Variants in MAPKAPK5 observed in about 807,000 individuals in gnomAD.
MAPKAPK5 encodes MAP kinase-activated protein kinase 5.
Under a neutral mutation model 65.1 loss-of-function variants are expected in MAPKAPK5, and 30 were observed. The observed-to-expected ratio is 0.46, with a 90% CI of 0.34 to 0.63. The LOEUF (loss-of-function observed/expected upper bound fraction) is 0.63. Ranked by LOEUF, MAPKAPK5 falls within the 20% of genes least tolerant of loss-of-function variation. The pLI, the probability that MAPKAPK5 is intolerant of heterozygous loss-of-function variation, is 0.01. For missense variants in MAPKAPK5, 433 were observed against 581.4 expected (o/e 0.74, Z 2.63); for synonymous variants, 179 against 204.6 (o/e 0.87, Z 1.07).
In MAPKAPK5 at chr12:111,883,918, T is replaced by G; in HGVS notation, c.848+150T>G. On this transcript the variant is annotated intron_variant, in intron 9 of 13. Coordinates refer to ENST00000550735, the MANE Select transcript of MAPKAPK5 (RefSeq NM_003668.4). The surrounding 1 kb of genome is among the most constrained non-coding windows in gnomAD (Gnocchi z 4.8). ...AAATCTCTCTGGAGCCTGAGGTGAC[T>G]GTTCTCAGTGTCCACACCTTGGTGC... 1.3e-6 allele frequency: 1 copy of G among 771,350 alleles called. No homozygotes were observed. Among genetic ancestry groups the G allele is most frequent in the East Asian group, 2.7e-5 (1 of 37,194 alleles). The allele number at this position is 771,350 out of a possible 1,614,324, so 47.8% of individuals were successfully genotyped here. A position where few individuals can be genotyped will look rare whatever the true frequency, so the allele number is the denominator to read the frequency against.
At chr12:111,869,267 G>A (rs1012360535) in intron 5 of MAPKAPK5, among the ~76,000 whole-genome samples, 10 of 152,164 alleles carry the variant, frequency 6.6e-5, no homozygotes, top group Non-Finnish European at 1.2e-4. Context: ...TACATAAGAT[G>A]CTTCCTGCAT....
chr12:111,848,243 A>G (rs2136065236), intron 1 of MAPKAPK5, among the ~76,000 whole-genome samples: 1 of 152,238 alleles, frequency 6.6e-6, no homozygotes, highest in Admixed American at 6.5e-5. Flanking sequence ...CTTCACAAAT[A>G]TTAGGTATTT....
chr12:111,882,209 T>G (rs910736835), intron 8 of MAPKAPK5, among the ~76,000 whole-genome samples: 4 of 152,066 alleles, frequency 2.6e-5, no homozygotes, highest in African/African-American at 9.7e-5. Flanking sequence ...TGAAACCCCG[T>G]CTCTACTAAA....
At chr12:111,851,279 G>A (rs146490665) in intron 1 of MAPKAPK5, among the ~76,000 whole-genome samples, 2 of 152,124 alleles carry the variant, frequency 1.3e-5, no homozygotes, top group African/African-American at 4.8e-5. Flanking sequence ...CTTTGAAGTG[G>A]TCTACTTGTC....
At chr12:111,875,449 A>G (rs946372912) in intron 7 of MAPKAPK5, among the ~76,000 whole-genome samples, 2 of 152,068 alleles carry the variant, frequency 1.3e-5, no homozygotes, top group African/African-American at 4.8e-5. Context: ...TGGCCTTGCT[A>G]GTGCACCTGT....
chr12:111,876,056 T>G (rs2069952794), intron 7 of MAPKAPK5, among the ~76,000 whole-genome samples: 1 of 149,656 alleles, frequency 6.7e-6, no homozygotes, highest in Non-Finnish European at 1.5e-5. Flanking sequence ...AAAGACAAAA[T>G]ATTAGTCGGG....
chr12:111,870,248 T>C, intron 5 of MAPKAPK5, 23 bp from the exon 6 acceptor site: 1 of 1,555,320 alleles, frequency 6.4e-7, no homozygotes, highest in Middle Eastern at 1.7e-4. Context: ...AAGAAGCGAC[T>C]GTTTCATTGT....
chr12:111,868,507 G>T (rs181264833), intron 4 of MAPKAPK5, among the ~76,000 whole-genome samples: 1 of 152,262 alleles, frequency 6.6e-6, no homozygotes, highest in African/African-American at 2.4e-5. Flanking sequence ...TGCTCTGTTG[G>T]TGAAAGCATT....
intron 1 of MAPKAPK5, among the ~76,000 whole-genome samples, chr12:111,858,475 C>A (rs2069319328): frequency 6.6e-6 from 1 of 150,630 alleles, no homozygotes; most frequent in Non-Finnish European, 1.5e-5. Context: ...TGGATTTGAT[C>A]ATTTCTTTCT....
rs761310760 is a variant in MAPKAPK5, at chr12:111,894,887, T to C, written c.*1826T>C. 6 of 152,006 alleles carry C rather than the reference T, an allele frequency of 3.9e-5. No homozygotes were observed. The highest frequency in any genetic ancestry group is 7.2e-5 in the African/African-American group (3 of 41,432). 9.4% of individuals were successfully genotyped at this position (152,006 alleles called of 1,614,324 possible). ...AGAGGGAGAGGATAGTCATCTGTTA[T>C]TCAATTTTTTCTCATCTCATTCTCT... On this transcript the variant is annotated 3_prime_UTR_variant, in exon 14 of 14. Transcript: ENST00000550735.
intron 7 of MAPKAPK5, among the ~76,000 whole-genome samples, chr12:111,874,037 C>G (rs1050529677): frequency 1.3e-5 from 2 of 152,114 alleles, no homozygotes; most frequent in Non-Finnish European, 2.9e-5. Flanking sequence ...TGTTACAGGT[C>G]TTGCACATAT....
rs759713514 is a variant in MAPKAPK5 at position 111,883,601 on chromosome 12, A to G, written c.681A>G (p.Leu227=). The G allele has an allele frequency of 5.6e-6, 9 of 1,613,438 alleles. No homozygotes were observed. The African/African-American group carries it at 1.2e-4, about 22-fold the overall frequency. The change falls in exon 9 of 14, where the codon CTA becomes CTG. Residue 227 remains leucine, a synonymous_variant. Transcript: ENST00000550735. The surrounding 1 kb of genome is among the most constrained non-coding windows in gnomAD (Gnocchi z 4.8). ...TYNKSCDLWS[L]GVIIYVMLCG... ...TTCAGAGCTGTGACTTGTGGTCCCT[A>G]GGGGTGATTATCTATGTGATGCTGT...
At position 111,896,967 on chromosome 12, in the gene MAPKAPK5, A is replaced by G. The variant is rs1413840034; in HGVS notation, c.*3906A>G. On this transcript the variant is annotated 3_prime_UTR_variant, in exon 14 of 14. Transcript: ENST00000550735. ...GCCAACATGGTGAAATGCCGTCTCT[A>G]CTAAAAATACAAAAATTAGCCAGGC... 1 of 152,246 alleles carries G rather than the reference A, an allele frequency of 6.6e-6. No homozygotes were observed. The allele number at this position is 152,246 out of a possible 1,614,324, so 9.4% of individuals were successfully genotyped here. A position where few individuals can be genotyped will look rare whatever the true frequency, so the allele number is the denominator to read the frequency against.
rs2070874896 is a variant in MAPKAPK5 at position 111,897,887 on chromosome 12, A to G, written c.*4826A>G. 1 of 151,824 alleles carries G rather than the reference A, an allele frequency of 6.6e-6. No homozygotes were observed. The highest frequency in any genetic ancestry group is 1.5e-5 in the Non-Finnish European group (1 of 68,010). 9.4% of individuals were successfully genotyped at this position (151,824 alleles called of 1,614,324 possible). On this transcript the variant is annotated 3_prime_UTR_variant, in exon 14 of 14. Coordinates refer to ENST00000550735, the MANE Select transcript of MAPKAPK5 (RefSeq NM_003668.4). ...TTGTAAATATTTGACTTGCTGTAAA[A>G]TTATACAAGATAAAAAATGTAGAGT...
In MAPKAPK5 at chr12:111,865,338, T is replaced by A; in HGVS notation, c.110+15T>A. On this transcript the variant is annotated intron_variant, in intron 2 of 13. Transcript: ENST00000550735. ...GGTCCAGTTAGGTAAGAGATCCATA[T>A]GAGAAACTATGGCAAATTGTTGGCA... 1 of 1,561,976 alleles carries A rather than the reference T, an allele frequency of 6.4e-7. No individual in the cohort carries two copies. The highest frequency in any genetic ancestry group is 8.7e-7 in the Non-Finnish European group (1 of 1,147,082).
At chr12:111,884,448 C>T (rs1435572768) in intron 9 of MAPKAPK5, among the ~76,000 whole-genome samples, 2 of 152,150 alleles carry the variant, frequency 1.3e-5, no homozygotes, top group East Asian at 1.9e-4. Flanking sequence ...TGATCTCAAG[C>T]GATCTGCCCG....
chr12:111,850,893 C>CA (rs2069058044), intron 1 of MAPKAPK5, among the ~76,000 whole-genome samples: 1 of 144,912 alleles, frequency 6.9e-6, no homozygotes, highest in African/African-American at 2.7e-5. Flanking sequence ...AATGAGAACC[C>CA]ATTTTCTTTT....
At chr12:111,865,123 TCTG>T (rs2069558693) in intron 1 of MAPKAPK5, 124 bp from the exon 2 acceptor site, 7 of 620,434 alleles carry the variant, frequency 1.1e-5, no homozygotes, top group Admixed American at 8.2e-5. Context: ...AACACAAAGT[TCTG>T]CTTATCAGAT....
intron 7 of MAPKAPK5, among the ~76,000 whole-genome samples, chr12:111,876,173 C>T (rs1287308592): frequency 1.4e-5 from 2 of 143,920 alleles, no homozygotes; most frequent in Non-Finnish European, 3.0e-5. Flanking sequence ...AGCCATTGCA[C>T]TCCAGCCTGG....
Sources: gnomAD v4.1 joint callset for allele counts (sites outside exome capture counted in the v4.1 genomes callset) on GRCh38, gnomAD v4.1.1 for gene constraint, Gnocchi (gnomAD v3.1) non-coding constraint, MANE v1.5 for transcripts, NCBI Gene and HGNC (gene_info 2026-07-23, HGNC 2026-07-21) for gene names.